The following AJUBA variants were observed in gnomAD, a reference collection of about 807,000 sequenced individuals.
AJUBA encodes ajuba LIM protein.
AJUBA carries 20 observed loss-of-function variants against 53.3 expected under a neutral mutation model. The observed-to-expected ratio is 0.38, with a 90% confidence interval of 0.26 to 0.55. The LOEUF is 0.55. Among genes scored for constraint, AJUBA ranks in the 20% least tolerant of loss-of-function variants. The probability of loss-of-function intolerance (pLI) is 0.80; values close to 1 mark genes in which losing one functional copy is unlikely to be tolerated. For synonymous variants in AJUBA, 296 were observed against 306.2 expected (o/e 0.97, Z 0.35); for missense variants, 580 against 730.5 (o/e 0.79, Z 2.38).
At chr14:22,974,795 G>T (rs1327268601) in intron 6 of AJUBA, 44 bp downstream of exon 6, 5 of 1,587,642 alleles carry the variant, frequency 3.1e-6, no homozygotes, top group Non-Finnish European at 4.3e-6. Flanking sequence ...CTCCCCAAAG[G>T]CAGTGGCACT....
At position 22,981,978 on chromosome 14, in the gene AJUBA, G is replaced by T. The variant is rs1341144586; in HGVS notation, c.289C>A (p.Arg97=). Reference sequence around the variant, plus strand: ...AACGACTGAGGTAGAGGCAAGGCCCGGGTGGGCGGCGGCCCCGCGGGAAAA... The same window carrying T: ...AACGACTGAGGTAGAGGCAAGGCCCTGGTGGGCGGCGGCCCCGCGGGAAAA... ...GSFPAGPPPT[R]ALPLPQSLPP... is the part of the protein sequence containing the mutation. The change falls in exon 1 of 8, where the codon CGG becomes AGG. Residue 97 remains arginine, a synonymous_variant. Coordinates refer to ENST00000262713, the MANE Select transcript of AJUBA (RefSeq NM_032876.6). 1 of 1,578,116 alleles carries T rather than the reference G, an allele frequency of 6.3e-7. No individual in the cohort carries two copies. Among genetic ancestry groups the T allele is most frequent in the Non-Finnish European group, 8.6e-7 (1 of 1,167,690 alleles).
chr14:22,982,160 C>A lies in AJUBA; in HGVS notation c.107G>T (p.Gly36Val), dbSNP rs1434679637. 1 of 1,612,722 alleles carries A rather than the reference C, an allele frequency of 6.2e-7. No homozygotes were observed. Among genetic ancestry groups the A allele is most frequent in the South Asian group, 1.1e-5 (1 of 90,980 alleles). ...GSDGTPGPGKGRLSGLGGPRK... is the reference protein window; with the variant it reads ...GSDGTPGPGKVRLSGLGGPRK... The stretch of plus-strand genomic sequence containing the variant: ...AGGTCCCCCCAACCCACTTAGGCGC[C>A]CCTTGCCCGGCCCGGGGGTCCCGTC... The change falls in exon 1 of 8, where the codon GGG becomes GTG. Residue 36 changes from glycine (G) to valine (V), a missense_variant. Physicochemically the swap from Gly to Val is moderately radical, Grantham distance 109 (BLOSUM62 -3). Transcript: ENST00000262713.
intron 2 of AJUBA, chr14:22,976,966 G>A (rs1188000536): frequency 7.3e-7 from 1 of 1,367,490 alleles, no homozygotes; most frequent in Non-Finnish European, 9.4e-7. Context: ...AGTTTTCTAG[G>A]GCCCCTCCCC....
Position 22,982,357 on chromosome 14 carries a change from G to A in AJUBA, c.-91C>T. On this transcript the variant is annotated 5_prime_UTR_variant, in exon 1 of 8. Transcript: ENST00000262713. ...TCTCTTTCCCTGCAGCCGGACTCTG[G>A]TTCCCCAGGGGCACAGGGGAGGCAC... The A allele has an allele frequency of 1.9e-6, 3 of 1,559,126 alleles. No homozygotes were observed. Among genetic ancestry groups the A allele is most frequent in the Non-Finnish European group, 2.6e-6 (3 of 1,161,130 alleles).
Position 22,974,095 on chromosome 14 carries a change from C to T in AJUBA, c.1443G>A (p.Arg481=), listed in dbSNP as rs770077548. The T allele has an allele frequency of 1.2e-5, 20 of 1,613,988 alleles. No individual in the cohort carries two copies. Among genetic ancestry groups the T allele is most frequent in the Non-Finnish European group, 1.6e-5 (19 of 1,180,022 alleles). ...GATAATCCCGGTCCATGGATATCACCCTCACGATGTCCTCACAGCCCTGAA... is the reference window on the plus strand; with the variant it reads ...GATAATCCCGGTCCATGGATATCACTCTCACGATGTCCTCACAGCCCTGAA... ...LPSEGCEDIV[R]VISMDRDYHF... is the part of the protein sequence containing the mutation. Residue 481 remains arginine, a synonymous_variant, in exon 7 of 8, where the codon AGG becomes AGA. Coordinates refer to ENST00000262713, the MANE Select transcript of AJUBA (RefSeq NM_032876.6).
intron 1 of AJUBA, among the ~76,000 whole-genome samples, chr14:22,981,052 T>C (rs2045085734): frequency 6.6e-6 from 1 of 152,044 alleles, no homozygotes; most frequent in African/African-American, 2.4e-5. Flanking sequence ...GGGTTGAATT[T>C]AGCAGAAATA....
intron 2 of AJUBA, chr14:22,976,994 T>C: frequency 1.5e-6 from 2 of 1,318,726 alleles, no homozygotes; most frequent in Admixed American, 6.8e-5. Context: ...ACTGCCTTCC[T>C]CTCCAGTGCA....
rs1172862858 is a variant in AJUBA, at chr14:22,982,174, G to C, written c.93C>G (p.Pro31=). ...CACTTAGGCGCCCCTTGCCCGGCCC[G>C]GGGGTCCCGTCAGACCCAGACCGGC... ...ESSRSGSDGT[P]GPGKGRLSGL... The change falls in exon 1 of 8, where the codon CCC becomes CCG. Residue 31 remains proline (P), a synonymous_variant. Coordinates refer to ENST00000262713, the MANE Select transcript of AJUBA (RefSeq NM_032876.6). 6.2e-7 allele frequency: 1 copy of C among 1,612,934 alleles called. No homozygotes were observed. The highest frequency in any genetic ancestry group is 1.7e-5 in the Admixed American group (1 of 59,814).
rs563230528 is a variant in AJUBA, at chr14:22,973,482, C to A, written c.1578G>T (p.Gln526His). ...CAGGGGGTTGTCGGGCATTGAGCCG[C>A]TGCATGTGGCAACCATGGCAGAGCA... is the stretch of plus-strand genomic sequence containing the variant. ...GHLLCHGCHM[Q>H]RLNARQPPAN... The change falls in exon 8 of 8, where the codon CAG becomes CAT. Residue 526 changes from glutamine to histidine, a missense_variant. By Grantham distance (24) the Gln-to-His change is conservative (BLOSUM62 0). Around this residue, in one of 2 missense-constraint regions of AJUBA, gnomAD observed 150 missense variants for 259.0 expected, o/e 0.58. Transcript: ENST00000262713. The A allele has an allele frequency of 8.9e-5, 143 of 1,613,934 alleles. 1 individual carries two copies. The South Asian group carries it at 1.5e-3, about 17-fold the overall frequency.
intron 4 of AJUBA, 98 bp from the exon 5 acceptor site, chr14:22,975,202 C>T (rs936761780): frequency 6.1e-6 from 9 of 1,465,432 alleles, no homozygotes; most frequent in African/African-American, 1.4e-5. Flanking sequence ...TCATCCAACC[C>T]GCTGCTATAC....
Position 22,976,672 on chromosome 14 carries a change from G to A in AJUBA, c.1149C>T (p.Gly383=), listed in dbSNP as rs1386866608. The change falls in exon 3 of 8, where the codon GGC becomes GGT. Residue 383 remains glycine (G), a synonymous_variant. Coordinates refer to ENST00000262713, the MANE Select transcript of AJUBA (RefSeq NM_032876.6). ...GATAATCTTCCTCACAGTACACAGA[G>A]CCATTGACACTGTAGAAAGCCTTGC... ...LRCKAFYSVN[G]SVYCEEDYLF... is the part of the protein sequence containing the mutation. 2 of 1,614,036 alleles carry A rather than the reference G, an allele frequency of 1.2e-6. No homozygotes were observed. Among genetic ancestry groups the A allele is most frequent in the Non-Finnish European group, 1.7e-6 (2 of 1,179,996 alleles).
rs1053252186 is a variant in AJUBA at position 22,981,179 on chromosome 14, C to G, written c.1006+82G>C. ...GTCTTCACCTCGGACCCCGGGGCACCGGCACTTTGGGCCGTCGGGGCAGTG... is the reference window on the plus strand; with the variant it reads ...GTCTTCACCTCGGACCCCGGGGCACGGGCACTTTGGGCCGTCGGGGCAGTG... On this transcript the variant is annotated intron_variant, in intron 1 of 7. Transcript: ENST00000262713. 14 of 1,489,692 alleles carry G rather than the reference C, an allele frequency of 9.4e-6. No individual in the cohort carries two copies. In the African/African-American group the frequency reaches 1.6e-4, roughly 17 times the overall value. 92.3% of individuals were successfully genotyped at this position (1,489,692 alleles called of 1,614,324 possible). A position where few individuals can be genotyped will look rare whatever the true frequency, so the allele number is the denominator to read the frequency against.
intron 1 of AJUBA, chr14:22,980,678 C>T (rs1436613815): frequency 1.0e-6 from 1 of 985,262 alleles, no homozygotes; most frequent in Middle Eastern, 5.2e-4. Context: ...TCCATTTCCC[C>T]GACAGCCGCC....
At chr14:22,973,690 G>T in intron 7 of AJUBA, 122 bp from the exon 8 acceptor site, 1 of 1,375,562 alleles carries the variant, frequency 7.3e-7, no homozygotes, top group Non-Finnish European at 9.9e-7. Context: ...GGGGTGGGAA[G>T]GGAAGGATGG....
At position 22,973,522 on chromosome 14, in the gene AJUBA, G is replaced by A; in HGVS notation, c.1538C>T (p.Pro513Leu). Residue 513 changes from proline (P) to leucine (L), a missense_variant, in exon 8 of 8, where the codon CCT becomes CTT. Physicochemically the swap from Pro to Leu is moderately conservative, Grantham distance 98 (BLOSUM62 -3). Coordinates refer to ENST00000262713, the MANE Select transcript of AJUBA (RefSeq NM_032876.6). ...LSDEEGCCCF[P>L]LDGHLLCHGC... Reference sequence around the variant, plus strand: ...ATGGCAGAGCAAGTGCCCATCCAGAGGGAAACAGCAGCAGCCTTCCTCATC... The same window carrying A: ...ATGGCAGAGCAAGTGCCCATCCAGAAGGAAACAGCAGCAGCCTTCCTCATC... The A allele has an allele frequency of 6.2e-7, 1 of 1,614,196 alleles. No individual in the cohort carries two copies. The highest frequency in any genetic ancestry group is 1.7e-5 in the Admixed American group (1 of 60,018).
intron 2 of AJUBA, chr14:22,977,388 C>G (rs2045047243): frequency 5.8e-6 from 1 of 171,998 alleles, no homozygotes; most frequent in South Asian, 1.9e-4. Context: ...TGTGACCAAC[C>G]CCCAGGAACT....
chr14:22,976,148 C>CAAAA (rs1214094875), intron 4 of AJUBA, among the ~76,000 whole-genome samples: 4 of 83,386 alleles, frequency 4.8e-5, no homozygotes, highest in South Asian at 1.1e-3. Flanking sequence ...GACTCTGTCT[C>CAAAA]AAAAAAAAAA....
chr14:22,971,462 G>C lies in AJUBA; in HGVS notation c.*1981C>G, dbSNP rs2044982869. On this transcript the variant is annotated 3_prime_UTR_variant, in exon 8 of 8. Transcript: ENST00000262713. ...TCATTTCCAGTAAGAAACTCACTGAGTGACAGAAAATGAAGACTAAAGATC... is the reference window on the plus strand; with the variant it reads ...TCATTTCCAGTAAGAAACTCACTGACTGACAGAAAATGAAGACTAAAGATC... 6.6e-6 allele frequency: 1 copy of C among 152,188 alleles called. No homozygotes were observed. Among genetic ancestry groups the C allele is most frequent in the African/African-American group, 2.4e-5 (1 of 41,448 alleles). The allele number at this position is 152,188 out of a possible 1,614,324, so 9.4% of individuals were successfully genotyped here. A position where few individuals can be genotyped will look rare whatever the true frequency, so the allele number is the denominator to read the frequency against.
chr14:22,972,239 G>A lies in AJUBA; in HGVS notation c.*1204C>T, dbSNP rs1291597934. On this transcript the variant is annotated 3_prime_UTR_variant, in exon 8 of 8. Coordinates refer to ENST00000262713, the MANE Select transcript of AJUBA (RefSeq NM_032876.6). Reference sequence around the variant, plus strand: ...CAGTTCCCCCCAACTCTAGTTTTGGGATTGTGATGGATGCAATCCGGGACC... The same window carrying A: ...CAGTTCCCCCCAACTCTAGTTTTGGAATTGTGATGGATGCAATCCGGGACC... 1 of 152,280 alleles carries A rather than the reference G, an allele frequency of 6.6e-6. No homozygotes were observed. The highest frequency in any genetic ancestry group is 1.5e-5 in the Non-Finnish European group (1 of 68,052). The allele number at this position is 152,280 out of a possible 1,614,324, so 9.4% of individuals were successfully genotyped here.
Sources: allele counts gnomAD v4.1 joint callset (sites outside exome capture counted in the v4.1 genomes callset), GRCh38; gene constraint gnomAD v4.1.1; regional missense constraint gnomAD v4.1.1; transcripts MANE v1.5; gene names NCBI Gene and HGNC (gene_info 2026-07-23, HGNC 2026-07-21).